Variants in KLHL14 observed in about 807,000 individuals in gnomAD.
KLHL14 encodes the protein kelch like family member 14.
Under a neutral mutation model 64.3 loss-of-function variants are expected in KLHL14, and 22 were observed. The ratio of observed to expected loss-of-function variants is 0.34; its 90% CI spans 0.24 to 0.49. The LOEUF (loss-of-function observed/expected upper bound fraction) is 0.49, where lower values mean the gene tolerates loss of function less well. Among genes scored for constraint, KLHL14 ranks in the 20% least tolerant of loss-of-function variants. KLHL14 has a pLI of 0.99. For synonymous variants in KLHL14, 322 were observed against 333.4 expected, an observed-to-expected ratio of 0.97 and a Z score of 0.37; for missense variants, 661 against 789.0, an observed-to-expected ratio of 0.84 and a Z score of 1.94.
chr18:32,693,967 TTTTTTGTTTTG>T (rs1297355437), intron 4 of KLHL14, among the ~76,000 whole-genome samples: 1 of 148,522 alleles, frequency 6.7e-6, no homozygotes, highest in African/African-American at 2.5e-5. Context: ...TTACAGGTGT[TTTTTTGTTTTG>T]TTTTGTTTTG....
chr18:32,726,989 G>A (rs1021801831), intron 3 of KLHL14, among the ~76,000 whole-genome samples: 2 of 152,214 alleles, frequency 1.3e-5, no homozygotes, highest in African/African-American at 2.4e-5. Context: ...TGCTTGAGGG[G>A]CAAGCTGGTT....
rs77148662 is a variant in KLHL14, at chr18:32,695,731, C to T, written c.1070-179G>A. Among the ~76,000 whole-genome samples, 1,374 of 152,178 alleles carry T rather than the reference C, an allele frequency of 9.0e-3. 15 individuals carry two copies. The highest frequency in any genetic ancestry group is 0.032 in the African/African-American group (1,315 of 41,520). On this transcript the variant is annotated intron_variant, in intron 3 of 8. Transcript: ENST00000359358. ...ATCCAGGGATCCCTATGCAGTGACT[C>T]GGTGGTGTGTTCCCAGCGGTTTCAA...
intron 5 of KLHL14, among the ~76,000 whole-genome samples, chr18:32,686,026 TTTTG>T (rs1220653935): frequency 6.6e-6 from 1 of 151,306 alleles, no homozygotes; most frequent in African/African-American, 2.4e-5. Flanking sequence ...TTTTTTTTTT[TTTTG>T]AGATGGAGTC....
chr18:32,760,053 G>A (rs909834547), intron 2 of KLHL14, among the ~76,000 whole-genome samples: 2 of 152,156 alleles, frequency 1.3e-5, no homozygotes, highest in Admixed American at 6.5e-5. Context: ...ATGCTCTGAT[G>A]TGGTTGGTTT....
intron 2 of KLHL14, among the ~76,000 whole-genome samples, chr18:32,751,838 G>A (rs778072895): frequency 3.9e-5 from 6 of 152,166 alleles, no homozygotes; most frequent in African/African-American, 7.2e-5. Flanking sequence ...AATAAAAGAA[G>A]GAATAGAGTC....
intron 2 of KLHL14, among the ~76,000 whole-genome samples, chr18:32,755,386 C>G (rs1301852839): frequency 1.3e-5 from 2 of 152,118 alleles, no homozygotes; most frequent in African/African-American, 4.8e-5. Flanking sequence ...TACTGTGTGG[C>G]TTGAATTATT....
rs578074526 is a variant in KLHL14, at chr18:32,698,483, A to T, written c.1070-2931T>A. On this transcript the variant is annotated intron_variant, in intron 3 of 8. Transcript: ENST00000359358. ...GACAGTGGAGATGAATGATGGAGAC[A>T]GACAGGTGGGGCTGTACATTTCACT... is the stretch of plus-strand genomic sequence containing the variant. Among the ~76,000 whole-genome samples the T allele has an allele frequency of 6.2e-4, 95 of 152,326 alleles. 2 individuals carry two copies. The South Asian group carries it at 0.018, about 29-fold the overall frequency.
At chr18:32,693,462 C>A (rs2144484090) in intron 4 of KLHL14, among the ~76,000 whole-genome samples, 1 of 145,440 alleles carries the variant, frequency 6.9e-6, no homozygotes, top group South Asian at 2.2e-4. Context: ...CACTCCCAGG[C>A]CTGTATTAAG....
chr18:32,684,788 T>C (rs2049864218), intron 5 of KLHL14, among the ~76,000 whole-genome samples: 1 of 152,190 alleles, frequency 6.6e-6, no homozygotes, highest in African/African-American at 2.4e-5. Flanking sequence ...TCTCATATAT[T>C]TCTAGATTCT....
intron 4 of KLHL14, among the ~76,000 whole-genome samples, chr18:32,693,413 C>CACACACACACACAGAGAGAGAGAGAG (rs1229737083): frequency 2.1e-5 from 2 of 97,020 alleles, no homozygotes; most frequent in African/African-American, 9.7e-5. Context: ...CACACACACA[C>CACACACACACACAGAGAGAGAGAGAG]AGAGAGAGAG....
chr18:32,755,024 T>C (rs1305763069), intron 2 of KLHL14, among the ~76,000 whole-genome samples: 1 of 151,914 alleles, frequency 6.6e-6, no homozygotes. Flanking sequence ...GAGGTGTGGC[T>C]TGTGGAATCC....
intron 3 of KLHL14, among the ~76,000 whole-genome samples, chr18:32,701,411 G>C (rs1455385030): frequency 6.6e-6 from 1 of 152,152 alleles, no homozygotes; most frequent in Non-Finnish European, 1.5e-5. Context: ...TTTAGTTGAA[G>C]CAGTTGGTGC....
At chr18:32,688,585 A>G (rs2049891621) in intron 4 of KLHL14, among the ~76,000 whole-genome samples, 1 of 152,204 alleles carries the variant, frequency 6.6e-6, no homozygotes, top group Non-Finnish European at 1.5e-5. Context: ...TGAGCCTCTC[A>G]GGCAAGGGGG....
intron 3 of KLHL14, among the ~76,000 whole-genome samples, chr18:32,736,057 T>A (rs2050164372): frequency 6.6e-6 from 1 of 152,190 alleles, no homozygotes; most frequent in South Asian, 2.1e-4. Context: ...ACAGCTTATG[T>A]CTAAAGAAGG....
intron 3 of KLHL14, among the ~76,000 whole-genome samples, chr18:32,731,647 G>A (rs564952246): frequency 2.0e-5 from 3 of 151,810 alleles, no homozygotes; most frequent in Non-Finnish European, 2.9e-5. Flanking sequence ...AAAAGAAGTC[G>A]TTTCAGCTGT....
chr18:32,760,353 C>T (rs200827018), intron 2 of KLHL14, among the ~76,000 whole-genome samples: 1 of 131,388 alleles, frequency 7.6e-6, no homozygotes, highest in Non-Finnish European at 1.7e-5. Flanking sequence ...CACACACACA[C>T]ACACACACAT....
intron 7 of KLHL14, among the ~76,000 whole-genome samples, chr18:32,679,418 T>A (rs2049827041): frequency 6.6e-6 from 1 of 152,130 alleles, no homozygotes; most frequent in Non-Finnish European, 1.5e-5. Context: ...ATTTTAGAGA[T>A]CATAGAGCAG....
intron 2 of KLHL14, 119 bp downstream of exon 2, chr18:32,769,526 C>T: frequency 1.1e-6 from 1 of 897,642 alleles, no homozygotes. Context: ...TTGTTTTCAT[C>T]CTGCCAGAGC....
At chr18:32,699,281 A>C (rs1468897745) in intron 3 of KLHL14, among the ~76,000 whole-genome samples, 2 of 152,210 alleles carry the variant, frequency 1.3e-5, no homozygotes, top group Non-Finnish European at 2.9e-5. Context: ...TATGTACATT[A>C]AATATATAAT....
Sources: allele counts gnomAD v4.1 joint callset (sites outside exome capture counted in the v4.1 genomes callset), GRCh38; gene constraint gnomAD v4.1.1; transcripts MANE v1.5; gene names NCBI Gene and HGNC (gene_info 2026-07-23, HGNC 2026-07-21).